The following ZNF804B variants were observed in gnomAD, a reference collection of about 807,000 sequenced individuals.
ZNF804B encodes the protein zinc finger protein 804B.
A neutral mutation model predicts 101.4 loss-of-function variants in ZNF804B; 80 were observed. The ratio of observed to expected loss-of-function variants is 0.79; its 90% confidence interval spans 0.66 to 0.95. The LOEUF is 0.95. Ranked by LOEUF, ZNF804B falls within the 40% of genes least tolerant of loss-of-function variation. The pLI, the probability that ZNF804B is intolerant of heterozygous loss-of-function variation, is 0.00. For missense variants in ZNF804B, 1,673 were observed against 1,561.9 expected (o/e 1.07, Z -1.20); for synonymous variants, 622 against 558.8 (o/e 1.11, Z -1.59).
chr7:89,334,834 C>A lies in ZNF804B; in HGVS notation c.1852C>A (p.Leu618Ile). The change falls in exon 4 of 4, where the codon CTA becomes ATA. Residue 618 changes from leucine (L) to isoleucine (I), a missense_variant. Leu to Ile is a conservative substitution (Grantham distance 5). Transcript: ENST00000333190. ...AHWQGCRKAV[L>I]NDIDEDLSFP... ...TTGGCAAGGCTGCAGAAAGGCAGTTCTAAATGATATAGATGAGGACCTATC... is the reference window on the plus strand; with the variant it reads ...TTGGCAAGGCTGCAGAAAGGCAGTTATAAATGATATAGATGAGGACCTATC... The A allele has an allele frequency of 6.2e-7, 1 of 1,613,792 alleles. No individual in the cohort carries two copies. Among genetic ancestry groups the A allele is most frequent in the South Asian group, 1.1e-5 (1 of 91,072 alleles).
At chr7:89,222,170 C>T (rs1789014369) in intron 2 of ZNF804B, among the ~76,000 whole-genome samples, 1 of 151,930 alleles carries the variant, frequency 6.6e-6, no homozygotes, top group Admixed American at 6.6e-5. Context: ...AAAGCGTAAT[C>T]TATGAAGAAG....
chr7:88,844,828 A>T (rs368096600), intron 1 of ZNF804B, among the ~76,000 whole-genome samples: 7 of 152,310 alleles, frequency 4.6e-5, no homozygotes, highest in African/African-American at 1.4e-4. Context: ...GGTTTAACAC[A>T]TAATTTTGAG....
At chr7:89,283,819 C>A (rs550175043) in intron 2 of ZNF804B, among the ~76,000 whole-genome samples, 56 of 151,886 alleles carry the variant, frequency 3.7e-4, no homozygotes, top group African/African-American at 1.2e-3. Context: ...TTGCATGGGG[C>A]CACTTATACA....
intron 1 of ZNF804B, among the ~76,000 whole-genome samples, chr7:89,155,172 CTT>C (rs1322178198): frequency 7.2e-5 from 11 of 152,104 alleles, no homozygotes; most frequent in African/African-American, 2.7e-4. Flanking sequence ...AGATTTCTCT[CTT>C]GGGGTTTATA....
intron 1 of ZNF804B, among the ~76,000 whole-genome samples, chr7:88,869,738 G>A (rs1791786217): frequency 6.6e-6 from 1 of 152,138 alleles, no homozygotes; most frequent in African/African-American, 2.4e-5. Flanking sequence ...AACCCCTGGA[G>A]TTGCATGTTT....
At chr7:89,279,712 A>C (rs1450265470) in intron 2 of ZNF804B, among the ~76,000 whole-genome samples, 7 of 152,084 alleles carry the variant, frequency 4.6e-5, no homozygotes, top group East Asian at 1.9e-4. Flanking sequence ...CCACTTGATC[A>C]TGGTGGGTAA....
intron 1 of ZNF804B, among the ~76,000 whole-genome samples, chr7:89,144,576 A>G (rs962361650): frequency 2.0e-5 from 3 of 151,980 alleles, no homozygotes; most frequent in Non-Finnish European, 4.4e-5. Flanking sequence ...GGAGATGTTG[A>G]TCAAAAGGTA....
intron 1 of ZNF804B, among the ~76,000 whole-genome samples, chr7:88,959,486 CTTATTT>C (rs961275063): frequency 1.8e-4 from 27 of 151,380 alleles, no homozygotes; most frequent in Non-Finnish European, 3.8e-4. Flanking sequence ...CCTGGAAACT[CTTATTT>C]TTATTTTAAT....
At position 89,266,877 on chromosome 7, in the gene ZNF804B, T is replaced by TTGTGTGTG. The variant is rs66604616; in HGVS notation, c.249+48590_249+48597dup. Among the ~76,000 whole-genome samples the TTGTGTGTG allele has an allele frequency of 2.0e-5, 3 of 150,872 alleles. No homozygotes were observed. In the South Asian group the frequency reaches 6.3e-4, roughly 32 times the overall value. On this transcript the variant is annotated intron_variant, in intron 2 of 3. Coordinates refer to ENST00000333190, the MANE Select transcript of ZNF804B (RefSeq NM_181646.5). ...AGTACTAATGTTTGTGTGTCTGTGT[T>TTGTGTGTG]TGTGTGTGTGTGTGTCTTTGGGAGT...
chr7:89,160,318 T>TA (rs1200575270), intron 1 of ZNF804B, among the ~76,000 whole-genome samples: 2 of 152,106 alleles, frequency 1.3e-5, no homozygotes, highest in African/African-American at 4.8e-5. Flanking sequence ...GTCACACTAA[T>TA]AAAATTTGAC....
At chr7:88,956,255 A>T (rs981282834) in intron 1 of ZNF804B, among the ~76,000 whole-genome samples, 3 of 151,562 alleles carry the variant, frequency 2.0e-5, no homozygotes, top group Non-Finnish European at 3.0e-5. Context: ...AAGGAAAGAA[A>T]ACCAGTGTAT....
At chr7:89,153,883 A>C (rs1455863147) in intron 1 of ZNF804B, among the ~76,000 whole-genome samples, 1 of 152,132 alleles carries the variant, frequency 6.6e-6, no homozygotes. Flanking sequence ...TATCTGTGAA[A>C]GGTTCTTCAT....
In ZNF804B at chr7:89,143,172, T is replaced by TG. The variant is rs940098429; in HGVS notation, c.109-74976dup. Among the ~76,000 whole-genome samples, 40 of 151,444 alleles carry TG rather than the reference T, an allele frequency of 2.6e-4. 1 individual carries two copies. The highest frequency in any genetic ancestry group is 8.0e-4 in the African/African-American group (33 of 41,276). ...TGTTAAGAAAAGCCAAGTTGGAGGG[T>TG]GGGGGGGTTGGTAAAGCCACATGTA... On this transcript the variant is annotated intron_variant, in intron 1 of 3. Coordinates refer to ENST00000333190, the MANE Select transcript of ZNF804B (RefSeq NM_181646.5).
intron 1 of ZNF804B, among the ~76,000 whole-genome samples, chr7:89,004,852 A>C (rs2116179686): frequency 6.6e-6 from 1 of 152,014 alleles, no homozygotes; most frequent in South Asian, 2.1e-4. Context: ...TTCTGACTGT[A>C]ATATTTGCAT....
At chr7:88,825,092 G>C (rs537421215) in intron 1 of ZNF804B, among the ~76,000 whole-genome samples, 3 of 152,264 alleles carry the variant, frequency 2.0e-5, no homozygotes, top group Non-Finnish European at 4.4e-5. Context: ...TTCAAAGGCA[G>C]CACCATTTCA....
At chr7:89,240,851 A>G (rs2115762270) in intron 2 of ZNF804B, among the ~76,000 whole-genome samples, 1 of 152,180 alleles carries the variant, frequency 6.6e-6, no homozygotes, top group Non-Finnish European at 1.5e-5. Context: ...ATAGGCCTTC[A>G]TTATTCCAAA....
chr7:88,945,870 T>C (rs1327778033), intron 1 of ZNF804B, among the ~76,000 whole-genome samples: 1 of 152,148 alleles, frequency 6.6e-6, no homozygotes, highest in Non-Finnish European at 1.5e-5. Flanking sequence ...GGGAGTTCAC[T>C]CATGATTTGG....
At chr7:88,803,600 G>A (rs1386237464) in intron 1 of ZNF804B, among the ~76,000 whole-genome samples, 2 of 152,086 alleles carry the variant, frequency 1.3e-5, no homozygotes, top group Non-Finnish European at 2.9e-5. Flanking sequence ...TGACACTGAA[G>A]GTTTGAATAT....
intron 1 of ZNF804B, chr7:88,794,149 T>C (rs1790431585): frequency 6.4e-7 from 1 of 1,550,562 alleles, no homozygotes; most frequent in African/African-American, 1.4e-5. Flanking sequence ...ACAAACTCCT[T>C]AAGAGACATG....
Sources: allele counts gnomAD v4.1 joint callset (sites outside exome capture counted in the v4.1 genomes callset), GRCh38; gene constraint gnomAD v4.1.1; transcripts MANE v1.5; gene names NCBI Gene and HGNC (gene_info 2026-07-23, HGNC 2026-07-21).